The following ASIC5 variants were observed in gnomAD, a reference collection of about 807,000 sequenced individuals.
ASIC5 encodes acid sensing ion channel subunit family member 5.
In ASIC5, 52 loss-of-function variants were observed where a neutral mutation model predicts 51.2. The observed-to-expected ratio is 1.02, with a 90% CI of 0.81 to 1.28. The LOEUF is 1.28. Ranked by LOEUF, ASIC5 falls within the 50% of genes most tolerant of loss-of-function variation. The pLI is 0.00. For missense variants in ASIC5, 635 were observed against 595.0 expected (o/e 1.07, Z -0.70); for synonymous variants, 231 against 200.7 (o/e 1.15, Z -1.28).
chr4:155,844,175 T>A (rs1438019706), intron 4 of ASIC5, among the ~76,000 whole-genome samples: 2 of 152,090 alleles, frequency 1.3e-5, no homozygotes, highest in African/African-American at 4.8e-5. Flanking sequence ...CTATCAGTGC[T>A]TGGTACCAGC....
At chr4:155,853,602 GTTATTA>G in intron 3 of ASIC5, among the ~76,000 whole-genome samples, 1 of 2,214 alleles carries the variant, frequency 4.5e-4, no homozygotes, top group African/African-American at 2.3e-3. Flanking sequence ...ATATATACTA[GTTATTA>G]TATATAATAT....
rs777366364 is a variant in ASIC5, at chr4:155,863,466, G to T, written c.329C>A (p.Thr110Lys). Residue 110 changes from threonine (T) to lysine (K), a missense_variant, in exon 2 of 10, where the codon ACA becomes AAA. Physicochemically the swap from Thr to Lys is moderately conservative, Grantham distance 78. Transcript: ENST00000537611. ...YVEKMEFPAV[T>K]FCNLNRFQTD... ...TTTTTACCTGTTCAAATTACAAAAT[G>T]TCACAGCTGGGAACTCCATCTTTTC... 1.2e-6 allele frequency: 2 copies of T among 1,611,264 alleles called. No individual in the cohort carries two copies. The highest frequency in any genetic ancestry group is 2.2e-5 in the South Asian group (2 of 90,896).
Position 155,836,960 on chromosome 4 carries a change from G to A in ASIC5, c.1067-103C>T, listed in dbSNP as rs1039992008. On this transcript the variant is annotated intron_variant, in intron 7 of 9. Coordinates refer to ENST00000537611, the MANE Select transcript of ASIC5 (RefSeq NM_017419.3). ...CATTTCACTTTCAATATTAAAAAAA[G>A]GTGGTTACCAACAACAAATGGTGTT... The A allele has an allele frequency of 1.5e-5, 13 of 865,308 alleles. No individual in the cohort carries two copies. The African/African-American group carries it at 2.1e-4, about 14-fold the overall frequency. 53.6% of individuals were successfully genotyped at this position (865,308 alleles called of 1,614,324 possible).
At chr4:155,866,018 T>C (rs1258474049) in intron 1 of ASIC5, among the ~76,000 whole-genome samples, 169 bp downstream of exon 1, 2 of 152,180 alleles carry the variant, frequency 1.3e-5, no homozygotes, top group African/African-American at 2.4e-5. Flanking sequence ...ACAAATAACT[T>C]TTTTTCTAAG....
Position 155,829,989 on chromosome 4 carries a change from T to A in ASIC5, c.1385A>T (p.Glu462Val). 1 of 1,598,988 alleles carries A rather than the reference T, an allele frequency of 6.3e-7. No individual in the cohort carries two copies. The highest frequency in any genetic ancestry group is 8.5e-7 in the Non-Finnish European group (1 of 1,172,278). ...ATTGGTGAATAGATATTCAATAATTTCTATGATCGTGATCAGACTGGCCCC... is the reference window on the plus strand; with the variant it reads ...ATTGGTGAATAGATATTCAATAATTACTATGATCGTGATCAGACTGGCCCC... Reference protein sequence around the residue: ...FCGASLITIIEIIEYLFTNFY... With the variant: ...FCGASLITIIVIIEYLFTNFY... The change falls in exon 10 of 10, where the codon GAA becomes GTA. Residue 462 changes from glutamate (E) to valine (V), a missense_variant. Glu to Val is a moderately radical substitution (Grantham distance 121). Transcript: ENST00000537611.
chr4:155,832,020 G>A, intron 8 of ASIC5, 105 bp from the exon 9 acceptor site: 1 of 583,936 alleles, frequency 1.7e-6, no homozygotes. Context: ...GCTATTTAAT[G>A]TTAAACTGAC....
At chr4:155,857,102 G>A (rs1235705791) in intron 2 of ASIC5, among the ~76,000 whole-genome samples, 1 of 151,950 alleles carries the variant, frequency 6.6e-6, no homozygotes, top group African/African-American at 2.4e-5. Flanking sequence ...AAACAAAAGT[G>A]TTTTGCACTG....
intron 4 of ASIC5, among the ~76,000 whole-genome samples, chr4:155,849,812 GAAGA>G (rs1741338925): frequency 6.6e-6 from 1 of 151,922 alleles, no homozygotes; most frequent in South Asian, 2.1e-4. Context: ...TTAAACTTTA[GAAGA>G]AAGTAACTGC....
chr4:155,845,352 T>TGG (rs199520552), intron 4 of ASIC5, among the ~76,000 whole-genome samples: 11 of 51,160 alleles, frequency 2.2e-4, no homozygotes, highest in South Asian at 1.9e-3. Context: ...CAGGTTTTTG[T>TGG]GGGTTTTTTT....
At chr4:155,861,606 T>TA (rs1260499798) in intron 2 of ASIC5, among the ~76,000 whole-genome samples, 1 of 152,014 alleles carries the variant, frequency 6.6e-6, no homozygotes, top group Non-Finnish European at 1.5e-5. Context: ...TGGATCTTTC[T>TA]AAAAAAATCC....
chr4:155,844,287 G>T (rs934056298), intron 4 of ASIC5, among the ~76,000 whole-genome samples: 2 of 151,906 alleles, frequency 1.3e-5, no homozygotes, highest in Non-Finnish European at 2.9e-5. Context: ...TTGGGGGTCT[G>T]AGGTTCATTC....
intron 3 of ASIC5, among the ~76,000 whole-genome samples, chr4:155,852,703 A>G (rs1399032185): frequency 1.6e-5 from 1 of 63,708 alleles, no homozygotes; most frequent in Non-Finnish European, 6.1e-5. Flanking sequence ...AGTCAATCAC[A>G]TGACCCTTTT....
chr4:155,831,108 A>G (rs1240222453), intron 9 of ASIC5, among the ~76,000 whole-genome samples: 1 of 152,180 alleles, frequency 6.6e-6, no homozygotes, highest in Non-Finnish European at 1.5e-5. Context: ...GGAGAAGGCA[A>G]GTGAGCAGGC....
intron 6 of ASIC5, among the ~76,000 whole-genome samples, chr4:155,840,195 C>T (rs1432834835): frequency 1.3e-5 from 2 of 151,990 alleles, no homozygotes; most frequent in East Asian, 3.9e-4. Flanking sequence ...AAATTGTCAA[C>T]ATTATTCTGC....
At chr4:155,831,092 G>A (rs1740861114) in intron 9 of ASIC5, among the ~76,000 whole-genome samples, 2 of 152,160 alleles carry the variant, frequency 1.3e-5, no homozygotes, top group African/African-American at 2.4e-5. Flanking sequence ...GTTTATTAGG[G>A]ACTGTGGAGA....
At position 155,854,358 on chromosome 4, in the gene ASIC5, A is replaced by T. The variant is rs780907664; in HGVS notation, c.348-44T>A. Reference sequence around the variant, plus strand: ...GCAATAGTTAGAATAATGAAAACTTATAATTATCTGGAAGACAGATACCAA... The same window carrying T: ...GCAATAGTTAGAATAATGAAAACTTTTAATTATCTGGAAGACAGATACCAA... On this transcript the variant is annotated intron_variant, in intron 2 of 9. Coordinates refer to ENST00000537611, the MANE Select transcript of ASIC5 (RefSeq NM_017419.3). The T allele has an allele frequency of 7.8e-6, 10 of 1,290,150 alleles. No homozygotes were observed. The Middle Eastern group carries it at 1.1e-3, about 146-fold the overall frequency. The allele number at this position is 1,290,150 out of a possible 1,614,324, so 79.9% of individuals were successfully genotyped here. A position where few individuals can be genotyped will look rare whatever the true frequency, so the allele number is the denominator to read the frequency against.
chr4:155,838,308 C>G (rs552699575), intron 7 of ASIC5, among the ~76,000 whole-genome samples: 2 of 150,618 alleles, frequency 1.3e-5, no homozygotes, highest in East Asian at 3.9e-4. Flanking sequence ...GGTGTGAAAG[C>G]AAAAAAAAGA....
chr4:155,838,471 C>T (rs946834324), intron 7 of ASIC5, among the ~76,000 whole-genome samples: 39 of 152,034 alleles, frequency 2.6e-4, no homozygotes, highest in Non-Finnish European at 4.7e-4. Context: ...AGTAATAAAA[C>T]TTCTATTTAT....
chr4:155,857,732 G>T (rs1741582919), intron 2 of ASIC5, among the ~76,000 whole-genome samples: 1 of 152,076 alleles, frequency 6.6e-6, no homozygotes, highest in Non-Finnish European at 1.5e-5. Flanking sequence ...TGCCAAAACA[G>T]ATCCATTTCT....
Sources: allele counts gnomAD v4.1 joint callset (sites outside exome capture counted in the v4.1 genomes callset), GRCh38; gene constraint gnomAD v4.1.1; transcripts MANE v1.5; gene names NCBI Gene and HGNC (gene_info 2026-07-23, HGNC 2026-07-21).